Variants in DMD observed in about 807,000 individuals in gnomAD.
DMD encodes the protein dystrophin, also known as mutant dystrophin.
A neutral mutation model predicts 330.1 loss-of-function variants in DMD; 63 were observed. The ratio of observed to expected loss-of-function variants is 0.19; its 90% CI spans 0.16 to 0.24. DMD has a LOEUF of 0.24. Among genes scored for constraint, DMD ranks in the 10% least tolerant of loss-of-function variants. The probability of loss-of-function intolerance (pLI) is 1.00; values close to 1 mark genes in which losing one functional copy is unlikely to be tolerated. For missense variants in DMD, 3,344 were observed against 2,684.1 expected (o/e 1.25, Z -5.43); for synonymous variants, 1,223 against 959.8 (o/e 1.27, Z -5.07).
At chrX:32,663,207 T>G (rs1273303821) in intron 9 of DMD, among the ~76,000 whole-genome samples, 14 of 111,465 alleles carry the variant, frequency 1.3e-4, no homozygotes, top group African/African-American at 4.2e-4. Flanking sequence ...ATCCTTGCCT[T>G]GAGGAGAAAT....
chrX:32,824,702 A>G (rs2078552106), intron 4 of DMD, among the ~76,000 whole-genome samples: 1 of 111,947 alleles, frequency 8.9e-6, no homozygotes. Flanking sequence ...TGGATTTACA[A>G]ACCTACACAC....
chrX:31,504,344 C>T (rs894558260), intron 56 of DMD, among the ~76,000 whole-genome samples: 1 of 111,664 alleles, frequency 9.0e-6, no homozygotes, highest in African/African-American at 3.3e-5. Context: ...AGGGAAACTT[C>T]GAAATCATTT....
At chrX:33,225,349 G>A (rs1397466743) in intron 1 of DMD, among the ~76,000 whole-genome samples, 1 of 111,540 alleles carries the variant, frequency 9.0e-6, no homozygotes, top group African/African-American at 3.3e-5. Flanking sequence ...GTGTGGTGTT[G>A]GTGTTGGGAT....
At chrX:31,394,514 C>T (rs1209104966) in intron 60 of DMD, among the ~76,000 whole-genome samples, 4 of 112,435 alleles carry the variant, frequency 3.6e-5, no homozygotes, top group Non-Finnish European at 7.5e-5. Context: ...GATATTCCAG[C>T]TGGGTGCAGT....
intron 9 of DMD, among the ~76,000 whole-genome samples, chrX:32,652,597 A>G (rs2060244330): frequency 9.0e-6 from 1 of 110,740 alleles, no homozygotes; most frequent in Non-Finnish European, 1.9e-5. Context: ...CAATAAACAT[A>G]CGTGTGCATC....
chrX:32,719,933 A>T (rs2147886019), intron 7 of DMD, among the ~76,000 whole-genome samples: 1 of 109,792 alleles, frequency 9.1e-6, no homozygotes, highest in African/African-American at 3.3e-5. Flanking sequence ...GTGCACACAC[A>T]TACTATATGA....
At chrX:31,232,517 C>A (rs1317918840) in intron 63 of DMD, among the ~76,000 whole-genome samples, 1 of 111,502 alleles carries the variant, frequency 9.0e-6, no homozygotes, top group Non-Finnish European at 1.9e-5. Flanking sequence ...GTTGGGGAGA[C>A]AAGGAGATTG....
At chrX:32,127,317 AG>A (rs2096666323) in intron 44 of DMD, among the ~76,000 whole-genome samples, 1 of 111,729 alleles carries the variant, frequency 9.0e-6, no homozygotes, top group African/African-American at 3.3e-5. Flanking sequence ...GTGAACATGT[AG>A]CTCTTGGAAA....
At chrX:31,351,591 T>C (rs749457121) in intron 60 of DMD, among the ~76,000 whole-genome samples, 1 of 107,773 alleles carries the variant, frequency 9.3e-6, no homozygotes, top group African/African-American at 3.4e-5. Context: ...CTTGGTGTGG[T>C]GGTGGGCATC....
intron 54 of DMD, among the ~76,000 whole-genome samples, chrX:31,650,080 C>A (rs773911509): frequency 9.4e-6 from 1 of 106,382 alleles, no homozygotes; most frequent in African/African-American, 3.4e-5. Context: ...CTTGCCTCAG[C>A]TTCCCAAGTA....
At chrX:31,740,791 C>A (rs1265604469) in intron 51 of DMD, among the ~76,000 whole-genome samples, 1 of 111,729 alleles carries the variant, frequency 9.0e-6, no homozygotes, top group Non-Finnish European at 1.9e-5. Context: ...GTAGCAATTT[C>A]TTAAAATAAG....
chrX:31,184,993 T>C (rs2041617098), intron 67 of DMD, among the ~76,000 whole-genome samples: 1 of 94,130 alleles, frequency 1.1e-5, no homozygotes, highest in Non-Finnish European at 2.1e-5. Context: ...AGGGATAGCA[T>C]TAGGAGATAT....
At chrX:33,173,610 C>A (rs1412447024) in intron 1 of DMD, among the ~76,000 whole-genome samples, 1 of 111,218 alleles carries the variant, frequency 9.0e-6, no homozygotes, top group Non-Finnish European at 1.9e-5. Flanking sequence ...GTAGCTAATT[C>A]ATACTGGCTT....
rs371570743 is a variant in DMD at position 31,478,029 on chromosome X, T to C, written c.8937+77A>G. ...CTCTAGCTTTAACTTTGTGGGAAGA[T>C]AACACTGCACTCAAGTTCAGATTAG... On this transcript the variant is annotated intron_variant, in intron 59 of 78. Transcript: ENST00000357033. 43 of 1,101,441 alleles carry C rather than the reference T, an allele frequency of 3.9e-5. No homozygotes were observed. The African/African-American group carries it at 6.9e-4, about 18-fold the overall frequency. 90.8% of individuals were successfully genotyped at this position (1,101,441 alleles called of 1,213,427 possible). A position where few individuals can be genotyped will look rare whatever the true frequency, so the allele number is the denominator to read the frequency against.
At chrX:32,800,866 A>C (rs894990884) in intron 7 of DMD, among the ~76,000 whole-genome samples, 1 of 111,479 alleles carries the variant, frequency 9.0e-6, no homozygotes, top group Non-Finnish European at 1.9e-5. Context: ...ACATCCCTGC[A>C]AAGGACATGA....
intron 41 of DMD, among the ~76,000 whole-genome samples, chrX:32,326,921 A>G (rs1329883574): frequency 1.0e-5 from 1 of 99,807 alleles, no homozygotes; most frequent in African/African-American, 3.6e-5. Flanking sequence ...AAAAAAAAAA[A>G]GTATTTACCT....
intron 45 of DMD, among the ~76,000 whole-genome samples, chrX:31,943,656 TG>T (rs1191682829): frequency 9.0e-6 from 1 of 111,270 alleles, no homozygotes; most frequent in Non-Finnish European, 1.9e-5. Flanking sequence ...ACCTCTTTTT[TG>T]TTACTCAGTT....
chrX:33,300,700 A>G (rs1020474698), intron 1 of DMD, among the ~76,000 whole-genome samples: 18 of 111,474 alleles, frequency 1.6e-4, no homozygotes, highest in Non-Finnish European at 3.2e-4. Context: ...CTTGACCTTG[A>G]ACTTCCCCGC....
chrX:31,147,534 A>T lies in DMD; in HGVS notation c.10554-16T>A. ...TTGCAGATTCCTATTGGCATCAAAA[A>T]AGTAAAAAAGAAAAAAAAAGAAAGA... On this transcript the variant is annotated splice_polypyrimidine_tract_variant and intron_variant, in intron 74 of 78. Transcript: ENST00000357033. 9.2e-7 allele frequency: 1 copy of T among 1,089,249 alleles called. No homozygotes were observed. The highest frequency in any genetic ancestry group is 1.2e-6 in the Non-Finnish European group (1 of 820,227). The allele number at this position is 1,089,249 out of a possible 1,213,427, so 89.8% of individuals were successfully genotyped here. A position where few individuals can be genotyped will look rare whatever the true frequency, so the allele number is the denominator to read the frequency against.
Sources: gnomAD v4.1 joint callset for allele counts (sites outside exome capture counted in the v4.1 genomes callset) on GRCh38, gnomAD v4.1.1 for gene constraint, MANE v1.5 for transcripts, NCBI Gene and HGNC (gene_info 2026-07-23, HGNC 2026-07-21) for gene names.